PIGQ: variants seen among roughly 807,000 people sequenced by gnomAD.
The protein encoded by PIGQ is phosphatidylinositol N-acetylglucosaminyltransferase subunit Q.
PIGQ carries 54 observed loss-of-function variants against 60.3 expected under a neutral mutation model. The ratio of observed to expected loss-of-function variants is 0.90; its 90% CI spans 0.72 to 1.12. The LOEUF (loss-of-function observed/expected upper bound fraction) is 1.12. Among genes scored for constraint, PIGQ ranks in the 50% most tolerant of loss-of-function variants. PIGQ has a pLI of 0.00. For missense variants in PIGQ, 799 were observed against 793.5 expected, an observed-to-expected ratio of 1.01 and a Z score of -0.08; for synonymous variants, 416 against 363.7, an observed-to-expected ratio of 1.14 and a Z score of -1.64.
intron 1 of PIGQ, 83 bp from the exon 2 acceptor site, chr16:573,983 T>A (rs2035673023): frequency 1.0e-6 from 1 of 963,488 alleles, no homozygotes; most frequent in Non-Finnish European, 1.5e-6. Flanking sequence ...GCTGCACCTG[T>A]CAGGCCGTCT....
chr16:574,019 G>T (rs565864100), intron 1 of PIGQ, 47 bp from the exon 2 acceptor site: 9 of 1,351,458 alleles, frequency 6.7e-6, no homozygotes, highest in South Asian at 2.6e-5. Context: ...GCCCACGGTG[G>T]GGGGGCAGCA....
intron 9 of PIGQ, chr16:581,383 A>G: frequency 8.6e-7 from 1 of 1,160,964 alleles, no homozygotes; most frequent in Non-Finnish European, 1.1e-6. Flanking sequence ...CCGTCCACTC[A>G]ACAGCACAGC....
rs369052612 is a variant in PIGQ at position 578,520 on chromosome 16, G to A, written c.1069+15G>A. The A allele has an allele frequency of 2.1e-5, 34 of 1,607,898 alleles. No homozygotes were observed. In the African/African-American group the frequency reaches 3.3e-4, roughly 16 times the overall value. On this transcript the variant is annotated intron_variant, in intron 5 of 10. Transcript: ENST00000321878. ...CCTGTGGATCAGTGAGTGCAGGGCA[G>A]GCGGGGGCCCCAGGGACCCCAGAGC...
At position 583,056 on chromosome 16, in the gene PIGQ, GCAC is replaced by G. The variant is rs752945430; in HGVS notation, c.*28_*30del. The G allele has an allele frequency of 2.5e-5, 41 of 1,612,950 alleles. No individual in the cohort carries two copies. The highest frequency in any genetic ancestry group is 3.5e-5 in the Non-Finnish European group (41 of 1,179,990). ...ACTGAGGGAACTGCTGGCTCGCCTG[GCAC>G]CACCACACGGCCACAGCCAGCCATC... is the stretch of plus-strand genomic sequence containing the variant. On this transcript the variant is annotated 3_prime_UTR_variant, in exon 11 of 11. Transcript: ENST00000321878.
At chr16:571,163 G>A (rs1596380391) in intron 1 of PIGQ, among the ~76,000 whole-genome samples, 1 of 7,606 alleles carries the variant, frequency 1.3e-4, no homozygotes, top group African/African-American at 4.5e-4. Flanking sequence ...CCTGGCACCC[G>A]TGGCTAGCCT....
Position 582,272 on chromosome 16 carries a change from G to C in PIGQ, c.1556G>C (p.Arg519Pro), listed in dbSNP as rs138436451. The C allele has an allele frequency of 3.4e-5, 54 of 1,606,818 alleles. No individual in the cohort carries two copies. The highest frequency in any genetic ancestry group is 4.5e-5 in the Non-Finnish European group (53 of 1,176,556). Residue 519 changes from arginine to proline, a missense_variant, in exon 10 of 11, where the codon CGG (arginine) becomes CCG (proline). Coordinates refer to ENST00000321878, the MANE Select transcript of PIGQ (RefSeq NM_004204.5). ...GCTGGCGTGAAGTTCCGTGTCCTCC[G>C]GCACGAGGCCGGCAGGCCCCTCCGC... ...LAAGVKFRVL[R>P]HEAGRPLRLL... is the part of the protein sequence containing the mutation.
rs759175643 is a variant in PIGQ, at chr16:578,895, C to T, written c.1180C>T (p.Leu394Phe). The T allele has an allele frequency of 5.0e-6, 8 of 1,613,616 alleles. No homozygotes were observed. Among genetic ancestry groups the T allele is most frequent in the South Asian group, 3.3e-5 (3 of 91,088 alleles). Reference protein sequence around the residue: ...ALSLLSDIIALLTFHIYCFYV... With the variant: ...ALSLLSDIIAFLTFHIYCFYV... Reference sequence around the variant, plus strand: ...GTCCCTCCTCTCGGACATTATCGCCCTCCTCACCTTCCACATCTACTGCTT... The same window carrying T: ...GTCCCTCCTCTCGGACATTATCGCCTTCCTCACCTTCCACATCTACTGCTT... The change falls in exon 6 of 11, where the codon CTC (leucine) becomes TTC (phenylalanine). Residue 394 changes from leucine to phenylalanine, a missense_variant. By Grantham distance (22) the Leu-to-Phe change is conservative. Coordinates refer to ENST00000321878, the MANE Select transcript of PIGQ (RefSeq NM_004204.5).
At chr16:577,403 C>T (rs553955302) in intron 4 of PIGQ, among the ~76,000 whole-genome samples, 106 of 151,894 alleles carry the variant, frequency 7.0e-4, no homozygotes, top group African/African-American at 2.5e-3. Context: ...CAGTGAAATC[C>T]CGTCTCTACT....
intron 7 of PIGQ, 95 bp from the exon 8 acceptor site, chr16:580,088 C>G (rs1374986546): frequency 1.1e-6 from 1 of 923,736 alleles, no homozygotes; most frequent in Admixed American, 2.2e-5. Flanking sequence ...CCGCAAGGTC[C>G]CGACTGCAGC....
intron 2 of PIGQ, 111 bp downstream of exon 2, chr16:574,874 G>T: frequency 1.1e-6 from 1 of 870,992 alleles, no homozygotes; most frequent in South Asian, 1.8e-5. Flanking sequence ...CTGGGCCCGG[G>T]CCCCCTCCCA....
intron 7 of PIGQ, chr16:579,968 T>C: frequency 2.2e-6 from 1 of 457,532 alleles, no homozygotes; most frequent in Non-Finnish European, 3.9e-6. Flanking sequence ...TTGGGTGGTC[T>C]GGCCCCCACC....
At chr16:581,369 A>G (rs2035806552) in intron 9 of PIGQ, 6 of 1,183,092 alleles carry the variant, frequency 5.1e-6, no homozygotes, top group Non-Finnish European at 5.4e-6. Flanking sequence ...TGTGCCGGAA[A>G]ACCCCGTCCA....
At position 578,798 on chromosome 16, in the gene PIGQ, C is replaced by T; in HGVS notation, c.1083C>T (p.Leu361=). The T allele has an allele frequency of 2.5e-6, 4 of 1,613,658 alleles. No homozygotes were observed. The highest frequency in any genetic ancestry group is 3.4e-6 in the Non-Finnish European group (4 of 1,179,888). The change falls in exon 6 of 11, where the codon CTC becomes CTT. Residue 361 remains leucine, a synonymous_variant. Transcript: ENST00000321878. ...CCACCCTGCCAGGCTACATCCACCT[C>T]ATGTCCCCCTTCGTGGAGCACATCC... The part of the protein sequence containing the change: ...HIHLWISYIH[L]MSPFVEHILW...
rs753843362 is a variant in PIGQ, at chr16:580,916, A to G, written c.1475A>G (p.Asn492Ser). 5 of 1,609,146 alleles carry G rather than the reference A, an allele frequency of 3.1e-6. No homozygotes were observed. Among genetic ancestry groups the G allele is most frequent in the Middle Eastern group, 1.6e-4 (1 of 6,078 alleles). Residue 492 changes from asparagine to serine, a missense_variant, in exon 9 of 11, where the codon AAC (asparagine) becomes AGC (serine). Transcript: ENST00000321878. ...GLIHLLVDLI[N>S]SLPLYSLGLR... ...ATCCATCTGCTCGTGGACCTCATCAACTCCCTGCCGCTGTACTCACTGGGT... is the reference window on the plus strand; with the variant it reads ...ATCCATCTGCTCGTGGACCTCATCAGCTCCCTGCCGCTGTACTCACTGGGT...
At chr16:579,338 T>A in intron 7 of PIGQ, 158 bp downstream of exon 7, 1 of 625,916 alleles carries the variant, frequency 1.6e-6, no homozygotes, top group South Asian at 1.9e-5. Context: ...CGGTGTGGGC[T>A]GCACGTGGGG....
Position 575,877 on chromosome 16 carries a change from A to G in PIGQ, c.728A>G (p.Lys243Arg), listed in dbSNP as rs991962874. Residue 243 changes from lysine to arginine, a missense_variant, in exon 3 of 11, where the codon AAA becomes AGA. Transcript: ENST00000321878. The part of the protein sequence containing the change: ...KLWPLSFLGS[K>R]LSTCEQLRHR... ...TGGCCCCTGTCCTTCCTCGGGAGCA[A>G]ACTCTCCACGTGCGAACAGCTCCGG... 1.3e-5 allele frequency: 20 copies of G among 1,573,406 alleles called. No individual in the cohort carries two copies. Among genetic ancestry groups the G allele is most frequent in the Non-Finnish European group, 1.7e-5 (20 of 1,158,450 alleles).
chr16:583,688 G>A lies in PIGQ; in HGVS notation c.*653G>A. On this transcript the variant is annotated 3_prime_UTR_variant, in exon 11 of 11. Coordinates refer to ENST00000321878, the MANE Select transcript of PIGQ (RefSeq NM_004204.5). The stretch of plus-strand genomic sequence containing the variant: ...CCAGGCTGCTGTGGGGGCGGGAGCA[G>A]CCTCAGTGTCAAGGGCCCGCCCACT... The A allele has an allele frequency of 6.3e-7, 1 of 1,598,178 alleles. No homozygotes were observed. Among genetic ancestry groups the A allele is most frequent in the Non-Finnish European group, 8.5e-7 (1 of 1,170,646 alleles).
chr16:575,767 C>A, intron 2 of PIGQ, 72 bp from the exon 3 acceptor site: 8 of 1,478,748 alleles, frequency 5.4e-6, no homozygotes, highest in Non-Finnish European at 7.3e-6. Context: ...TGTTTGTGGT[C>A]CCCTGCACAG....
intron 2 of PIGQ, 113 bp from the exon 3 acceptor site, chr16:575,725 CT>C (rs1296681376): frequency 1.2e-5 from 14 of 1,184,098 alleles, no homozygotes; most frequent in Admixed American, 2.1e-5. Context: ...CACCTGCCCC[CT>C]GTCCTGCTGA....
Sources: gnomAD v4.1 joint callset for allele counts (sites outside exome capture counted in the v4.1 genomes callset) on GRCh38, gnomAD v4.1.1 for gene constraint, MANE v1.5 for transcripts, NCBI Gene and HGNC (gene_info 2026-07-23, HGNC 2026-07-21) for gene names.